Variants in MMP16 observed in about 807,000 individuals in gnomAD.
MMP16 encodes the protein matrix metalloproteinase-16.
MMP16 carries 12 observed loss-of-function variants against 67.8 expected under a neutral mutation model. The ratio of observed to expected loss-of-function variants is 0.18; its 90% CI spans 0.11 to 0.29. MMP16 has a LOEUF of 0.29. MMP16 is among the 10% of genes least tolerant of loss of function. The probability of loss-of-function intolerance (pLI) is 1.00; values close to 1 mark genes in which losing one functional copy is unlikely to be tolerated. For missense variants in MMP16, 475 were observed against 765.7 expected, an observed-to-expected ratio of 0.62 and a Z score of 4.48; for synonymous variants, 249 against 255.9, an observed-to-expected ratio of 0.97 and a Z score of 0.26.
intron 1 of MMP16, among the ~76,000 whole-genome samples, chr8:88,247,038 C>G (rs1810124010): frequency 6.6e-6 from 1 of 151,988 alleles, no homozygotes; most frequent in East Asian, 1.9e-4. Flanking sequence ...AGCAGTTCTT[C>G]CAAAGACCTT....
chr8:88,100,417 C>T (rs867760544), intron 6 of MMP16, among the ~76,000 whole-genome samples: 57 of 152,064 alleles, frequency 3.7e-4, no homozygotes, highest in African/African-American at 1.3e-3. Flanking sequence ...CAAATCAAAA[C>T]CACAATGAGA....
chr8:88,187,855 G>A (rs1461754713), intron 2 of MMP16, among the ~76,000 whole-genome samples: 5 of 152,136 alleles, frequency 3.3e-5, no homozygotes, highest in South Asian at 2.1e-4. Flanking sequence ...TTCCATCCTA[G>A]TTTAAATGCA....
At chr8:88,197,809 A>C (rs1809280403) in intron 1 of MMP16, among the ~76,000 whole-genome samples, 1 of 152,186 alleles carries the variant, frequency 6.6e-6, no homozygotes. Flanking sequence ...TTACTCTATG[A>C]CATTTTGGGT....
At chr8:88,316,962 G>A (rs1282475866) in intron 1 of MMP16, among the ~76,000 whole-genome samples, 11 of 152,100 alleles carry the variant, frequency 7.2e-5, no homozygotes, top group Admixed American at 4.6e-4. Context: ...AATTAGAAGT[G>A]GAACCTAAAG....
intron 1 of MMP16, among the ~76,000 whole-genome samples, chr8:88,284,953 A>G (rs1451686418): frequency 6.6e-6 from 1 of 151,770 alleles, no homozygotes; most frequent in Non-Finnish European, 1.5e-5. Flanking sequence ...CTCAAGGTAA[A>G]CTTCCCTGAT....
At chr8:88,286,763 G>C (rs1294601441) in intron 1 of MMP16, among the ~76,000 whole-genome samples, 1 of 151,760 alleles carries the variant, frequency 6.6e-6, no homozygotes, top group South Asian at 2.1e-4. Context: ...TTTTAGTAGA[G>C]ATGGGGTTTC....
chr8:88,113,474 A>G (rs1214402685), intron 6 of MMP16, among the ~76,000 whole-genome samples: 1 of 151,924 alleles, frequency 6.6e-6, no homozygotes, highest in Non-Finnish European at 1.5e-5. Flanking sequence ...GTGAGATCAA[A>G]CAATGAGCAA....
intron 3 of MMP16, among the ~76,000 whole-genome samples, chr8:88,180,224 C>T (rs563640031): frequency 6.8e-4 from 102 of 151,088 alleles, no homozygotes; most frequent in African/African-American, 2.3e-3. Context: ...GAGGTTGCAG[C>T]GAGCTGAGAT....
At chr8:88,317,229 C>A (rs1188085361) in intron 1 of MMP16, among the ~76,000 whole-genome samples, 2 of 152,102 alleles carry the variant, frequency 1.3e-5, no homozygotes, top group African/African-American at 4.8e-5. Context: ...GTATTGCATG[C>A]TAAGAGAAAT....
intron 4 of MMP16, among the ~76,000 whole-genome samples, chr8:88,129,412 T>A (rs1178651023): frequency 6.6e-6 from 1 of 151,654 alleles, no homozygotes; most frequent in Non-Finnish European, 1.5e-5. Flanking sequence ...TGTACAGAGA[T>A]TAAAAACTTA....
chr8:88,208,270 C>A (rs1437403296), intron 1 of MMP16, among the ~76,000 whole-genome samples: 1 of 152,136 alleles, frequency 6.6e-6, no homozygotes, highest in Non-Finnish European at 1.5e-5. Flanking sequence ...CAGGACTGCC[C>A]ATGTTCTAAA....
chr8:88,320,897 C>T (rs956275789), intron 1 of MMP16, among the ~76,000 whole-genome samples: 2 of 152,012 alleles, frequency 1.3e-5, no homozygotes, highest in Non-Finnish European at 2.9e-5. Flanking sequence ...ATGCACAATG[C>T]CAAACAGTTG....
rs371996303 is a variant in MMP16 at position 88,271,580 on chromosome 8, G to A, written c.132+55495C>T. Among the ~76,000 whole-genome samples, 192 of 151,528 alleles carry A rather than the reference G, an allele frequency of 1.3e-3. 2 individuals are homozygous for A. The highest frequency in any genetic ancestry group is 3.9e-3 in the African/African-American group (160 of 41,254). ...GCGATCTTGGCTCACTGCAACCTCC[G>A]CCTCCCGGGTTCAAGCGATTCTCCT... is the stretch of plus-strand genomic sequence containing the variant. On this transcript the variant is annotated intron_variant, in intron 1 of 9. Transcript: ENST00000286614.
At chr8:88,294,625 T>C (rs1810985074) in intron 1 of MMP16, among the ~76,000 whole-genome samples, 4 of 152,162 alleles carry the variant, frequency 2.6e-5, no homozygotes, top group Admixed American at 1.3e-4. Flanking sequence ...TAGACATATA[T>C]AACATTATAG....
At chr8:88,153,154 A>C (rs1460306878) in intron 4 of MMP16, among the ~76,000 whole-genome samples, 5 of 147,762 alleles carry the variant, frequency 3.4e-5, no homozygotes, top group African/African-American at 1.0e-4. Context: ...AATCCAACTT[A>C]CAAGGGATGT....
At chr8:88,305,377 A>T (rs1811196778) in intron 1 of MMP16, among the ~76,000 whole-genome samples, 3 of 152,198 alleles carry the variant, frequency 2.0e-5, no homozygotes, top group Admixed American at 6.5e-5. Context: ...ACAATATCAG[A>T]TCATCAAGAC....
chr8:88,147,857 T>C (rs1808321196), intron 4 of MMP16, among the ~76,000 whole-genome samples: 1 of 152,082 alleles, frequency 6.6e-6, no homozygotes. Flanking sequence ...TATATGTGGA[T>C]TCATATTTTT....
rs71277984 is a variant in MMP16, at chr8:88,201,144, CAAAA to C, written c.133-3842_133-3839del. Among the ~76,000 whole-genome samples the C allele has an allele frequency of 6.0e-3, 655 of 109,392 alleles. 6 individuals carry two copies. The highest frequency in any genetic ancestry group is 0.018 in the African/African-American group (554 of 31,146). 71.8% of individuals were successfully genotyped at this position (109,392 alleles called of 152,430 possible). On this transcript the variant is annotated intron_variant, in intron 1 of 9. Transcript: ENST00000286614. Reference sequence around the variant, plus strand: ...TAATTGCAGACATCCTTTCCCCCCCCAAAAAAAAAAAAAAAAAAAAAAAATGGAA... The same window carrying C: ...TAATTGCAGACATCCTTTCCCCCCCCAAAAAAAAAAAAAAAAAAAATGGAA...
At chr8:88,296,225 C>G (rs1360461574) in intron 1 of MMP16, among the ~76,000 whole-genome samples, 3 of 152,080 alleles carry the variant, frequency 2.0e-5, no homozygotes, top group African/African-American at 7.2e-5. Flanking sequence ...ATAACTCTAT[C>G]TTTAACAATT....
Sources: allele counts gnomAD v4.1 joint callset (sites outside exome capture counted in the v4.1 genomes callset), GRCh38; gene constraint gnomAD v4.1.1; transcripts MANE v1.5; gene names NCBI Gene and HGNC (gene_info 2026-07-23, HGNC 2026-07-21).